Variants in CREB3L2 observed in about 807,000 individuals in gnomAD.
CREB3L2 encodes cAMP responsive element binding protein 3 like 2.
CREB3L2 carries 23 observed loss-of-function variants against 57.2 expected under a neutral mutation model. That is an observed-to-expected ratio of 0.40 (90% CI 0.29 to 0.57). The LOEUF is 0.57. Among genes scored for constraint, CREB3L2 ranks in the 20% least tolerant of loss-of-function variants. The probability of loss-of-function intolerance (pLI) is 0.42; values close to 1 mark genes in which losing one functional copy is unlikely to be tolerated. For missense variants in CREB3L2, 628 were observed against 634.7 expected, an observed-to-expected ratio of 0.99 and a Z score of 0.11; for synonymous variants, 268 against 265.1, an observed-to-expected ratio of 1.01 and a Z score of -0.11.
intron 1 of CREB3L2, chr7:137,955,417 C>T (rs1801189460): frequency 1.4e-6 from 1 of 719,982 alleles, no homozygotes; most frequent in Non-Finnish European, 2.1e-6. Flanking sequence ...CTCCTCTCCC[C>T]TTAATCCCCA....
At chr7:137,888,002 G>GA (rs1799460672) in intron 8 of CREB3L2, among the ~76,000 whole-genome samples, 1 of 152,064 alleles carries the variant, frequency 6.6e-6, no homozygotes, top group African/African-American at 2.4e-5. Flanking sequence ...GCACAGGCTG[G>GA]AGTGCAGTGG....
At chr7:137,953,609 T>C in intron 1 of CREB3L2, 2 of 983,840 alleles carry the variant, frequency 2.0e-6, no homozygotes, top group Non-Finnish European at 2.8e-6. Flanking sequence ...TTCATCTCTG[T>C]TGGAAAGTCC....
At chr7:137,912,202 C>G (rs1800024143) in intron 4 of CREB3L2, among the ~76,000 whole-genome samples, 1 of 152,050 alleles carries the variant, frequency 6.6e-6, no homozygotes, top group Non-Finnish European at 1.5e-5. Context: ...TGTGGCAAAA[C>G]CTCGTCTCTA....
Position 137,927,278 on chromosome 7 carries a change from G to GAA in CREB3L2, c.319+871_319+872insTT, listed in dbSNP as rs35701640. Among the ~76,000 whole-genome samples, 990 of 136,604 alleles carry GAA rather than the reference G, an allele frequency of 7.2e-3. 3 individuals are homozygous for GAA. Among genetic ancestry groups the GAA allele is most frequent in the Middle Eastern group, 0.014 (4 of 286 alleles). 89.6% of individuals were successfully genotyped at this position (136,604 alleles called of 152,430 possible). On this transcript the variant is annotated intron_variant, in intron 2 of 11. Transcript: ENST00000330387. ...GAACAGAACGGAAAGGAAAGGAAAG[G>GAA]AGGAAGGAAGGAAGGAAGGGTGGGA... is the stretch of plus-strand genomic sequence containing the variant.
chr7:137,915,660 A>T (rs1282178760), intron 3 of CREB3L2, among the ~76,000 whole-genome samples, 177 bp downstream of exon 3: 1 of 152,220 alleles, frequency 6.6e-6, no homozygotes, highest in Non-Finnish European at 1.5e-5. Flanking sequence ...GGAAGTTGGC[A>T]CCAAATCAAC....
intron 11 of CREB3L2, among the ~76,000 whole-genome samples, chr7:137,882,113 A>C (rs1455715809): frequency 1.3e-5 from 2 of 152,130 alleles, no homozygotes; most frequent in African/African-American, 2.4e-5. Context: ...TGTGGCTTGG[A>C]AGGGAGGATG....
chr7:137,984,665 T>C (rs1801764512), intron 1 of CREB3L2, among the ~76,000 whole-genome samples: 1 of 152,260 alleles, frequency 6.6e-6, no homozygotes, highest in Non-Finnish European at 1.5e-5. Flanking sequence ...ATTCTTCTTA[T>C]TTTGTTGCTC....
chr7:137,915,858 A>C lies in CREB3L2; in HGVS notation c.474T>G (p.Pro158=). 1 of 1,614,042 alleles carries C rather than the reference A, an allele frequency of 6.2e-7. No individual in the cohort carries two copies. Among genetic ancestry groups the C allele is most frequent in the Non-Finnish European group, 8.5e-7 (1 of 1,179,952 alleles). Residue 158 remains proline (P), a synonymous_variant, in exon 3 of 12, where the codon CCT becomes CCG. Coordinates refer to ENST00000330387, the MANE Select transcript of CREB3L2 (RefSeq NM_194071.4). ...ATACCCCAGTGTTCATTTCCAGAGG[A>C]GGTTCCTCCTTTTCCAACGGGGTGG... The part of the protein sequence containing the change: ...AISTPLEKEE[P]PLEMNTGVDS...
intron 1 of CREB3L2, among the ~76,000 whole-genome samples, chr7:137,969,585 T>C (rs920706278): frequency 2.0e-5 from 3 of 151,852 alleles, no homozygotes; most frequent in African/African-American, 7.3e-5. Flanking sequence ...TCTCCTGACC[T>C]CATGATCCAC....
chr7:137,925,525 A>G (rs1800433738), intron 2 of CREB3L2, among the ~76,000 whole-genome samples: 1 of 152,210 alleles, frequency 6.6e-6, no homozygotes, highest in Non-Finnish European at 1.5e-5. Context: ...CCTAAAAATA[A>G]CCATCCTTCT....
chr7:137,951,614 C>T (rs970851188), intron 1 of CREB3L2, among the ~76,000 whole-genome samples: 1 of 152,080 alleles, frequency 6.6e-6, no homozygotes, highest in Admixed American at 6.6e-5. Flanking sequence ...GAATTATTGG[C>T]GAAATGTCTG....
chr7:137,909,716 CACA>C (rs374959933), intron 4 of CREB3L2, among the ~76,000 whole-genome samples: 2 of 152,302 alleles, frequency 1.3e-5, no homozygotes, highest in Admixed American at 6.5e-5. Context: ...TCTCCTGAGA[CACA>C]ACAACTGACC....
rs932707988 is a variant in CREB3L2 at position 138,001,926 on chromosome 7, A to C, written c.-221T>G. ...CTCGGAGATCCGAGAATCCCCAGGGACACGAGCCGGACCAAAGGCTGCCGG... is the reference window on the plus strand; with the variant it reads ...CTCGGAGATCCGAGAATCCCCAGGGCCACGAGCCGGACCAAAGGCTGCCGG... On this transcript the variant is annotated 5_prime_UTR_variant, in exon 1 of 12. Transcript: ENST00000330387. This position sits in a 1 kb window ranked among gnomAD's most constrained non-coding sequence, Gnocchi z 4.2. 3 of 455,244 alleles carry C rather than the reference A, an allele frequency of 6.6e-6. No homozygotes were observed. The highest frequency in any genetic ancestry group is 4.0e-5 in the African/African-American group (2 of 49,482). 28.2% of individuals were successfully genotyped at this position (455,244 alleles called of 1,614,324 possible). A position where few individuals can be genotyped will look rare whatever the true frequency, so the allele number is the denominator to read the frequency against.
At chr7:137,894,471 T>G (rs935591568) in intron 8 of CREB3L2, among the ~76,000 whole-genome samples, 1 of 152,086 alleles carries the variant, frequency 6.6e-6, no homozygotes, top group Non-Finnish European at 1.5e-5. Flanking sequence ...TGGTTCAAAC[T>G]CCATATGCAG....
chr7:137,952,633 C>T lies in CREB3L2; in HGVS notation c.103-24267G>A, dbSNP rs200568758. On this transcript the variant is annotated intron_variant, in intron 1 of 11. Transcript: ENST00000330387. ...TGTCTTGCTCAGTGTTTGACAGCCA[C>T]CCTACCTACCCCACCCCAACTCTAC... Among the ~76,000 whole-genome samples the T allele has an allele frequency of 2.6e-5, 4 of 152,238 alleles. No homozygotes were observed. The East Asian group carries it at 7.7e-4, about 29-fold the overall frequency.
Position 137,878,898 on chromosome 7 carries a change from A to G in CREB3L2, c.*1578T>C. On this transcript the variant is annotated 3_prime_UTR_variant, in exon 12 of 12. Transcript: ENST00000330387. ...TAAGTACAGGCTCCAATAACAATGC[A>G]GATGACGTGTGTGGGGGTGGGTGGT... is the stretch of plus-strand genomic sequence containing the variant. 2.8e-6 allele frequency: 1 copy of G among 351,044 alleles called. No individual in the cohort carries two copies. Among genetic ancestry groups the G allele is most frequent in the Non-Finnish European group, 5.4e-6 (1 of 185,568 alleles). The allele number at this position is 351,044 out of a possible 1,614,324, so 21.7% of individuals were successfully genotyped here.
chr7:137,878,499 C>T lies in CREB3L2; in HGVS notation c.*1977G>A, dbSNP rs1215502134. ...GTTACCAGACACCAGCCAGGCCCAA[C>T]AGGATCTGGGCTGCAGACAGTGGAG... On this transcript the variant is annotated 3_prime_UTR_variant, in exon 12 of 12. Coordinates refer to ENST00000330387, the MANE Select transcript of CREB3L2 (RefSeq NM_194071.4). 4.3e-6 allele frequency: 1 copy of T among 233,626 alleles called. No homozygotes were observed. Among genetic ancestry groups the T allele is most frequent in the Non-Finnish European group, 8.4e-6 (1 of 118,404 alleles). 14.5% of individuals were successfully genotyped at this position (233,626 alleles called of 1,614,324 possible). A position where few individuals can be genotyped will look rare whatever the true frequency, so the allele number is the denominator to read the frequency against.
At chr7:137,935,615 T>C (rs1315662135) in intron 1 of CREB3L2, among the ~76,000 whole-genome samples, 1 of 152,044 alleles carries the variant, frequency 6.6e-6, no homozygotes, top group Admixed American at 6.6e-5. Context: ...TACCCACCCC[T>C]CTCTCTGGAC....
At chr7:137,957,838 C>T (rs1801246012) in intron 1 of CREB3L2, 1 of 1,182,306 alleles carries the variant, frequency 8.5e-7, no homozygotes, top group Non-Finnish European at 1.1e-6. Flanking sequence ...CATCAATAAG[C>T]AAAAACACTT....
Sources: gnomAD v4.1 joint callset for allele counts (sites outside exome capture counted in the v4.1 genomes callset) on GRCh38, gnomAD v4.1.1 for gene constraint, Gnocchi (gnomAD v3.1) non-coding constraint, MANE v1.5 for transcripts, NCBI Gene and HGNC (gene_info 2026-07-23, HGNC 2026-07-21) for gene names.